The following MAPK10 variants were observed in gnomAD, a reference collection of about 807,000 sequenced individuals.
MAPK10 encodes the protein mitogen-activated protein kinase 10.
A neutral mutation model predicts 59.3 loss-of-function variants in MAPK10; 25 were observed. The ratio of observed to expected loss-of-function variants is 0.42; its 90% CI spans 0.31 to 0.59. The LOEUF is 0.59. MAPK10 is among the 20% of genes least tolerant of loss of function. The pLI is 0.15. For synonymous variants in MAPK10, 190 were observed against 200.5 expected, an observed-to-expected ratio of 0.95 and a Z score of 0.44; for missense variants, 351 against 568.9, an observed-to-expected ratio of 0.62 and a Z score of 3.90.
intron 2 of MAPK10, among the ~76,000 whole-genome samples, chr4:86,290,159 T>C (rs568130103): frequency 6.6e-6 from 1 of 152,250 alleles, no homozygotes; most frequent in African/African-American, 2.4e-5. Flanking sequence ...AGAATTATGA[T>C]GGCTGAGCTC....
chr4:86,194,278 C>T, intron 3 of MAPK10, 58 bp downstream of exon 3: 1 of 1,303,310 alleles, frequency 7.7e-7, no homozygotes, highest in Non-Finnish European at 1.1e-6. Flanking sequence ...AATGGTATGT[C>T]AAAGTGGAAA....
At position 86,240,591 on chromosome 4, in the gene MAPK10, ATGCCCTTTTT is replaced by A. The variant is rs375720345; in HGVS notation, c.-6-46194_-6-46185del. On this transcript the variant is annotated intron_variant, in intron 2 of 13. Coordinates refer to ENST00000641462, the MANE Select transcript of MAPK10 (RefSeq NM_138982.4). ...TAACTGTTCCCTTTATCGTTATGTAATGCCCTTTTTTGTCTTTTTGGATCTTTGTTGGTTG... is the reference window on the plus strand; with the variant it reads ...TAACTGTTCCCTTTATCGTTATGTAATGTCTTTTTGGATCTTTGTTGGTTG... 3.2e-3 allele frequency among the ~76,000 whole-genome samples: 480 copies of A among 152,104 alleles called. 2 individuals carry two copies. Among genetic ancestry groups the A allele is most frequent in the African/African-American group, 0.011 (466 of 41,414 alleles).
intron 1 of MAPK10, among the ~76,000 whole-genome samples, chr4:86,425,435 T>TAA (rs34111165): frequency 4.6e-5 from 7 of 151,322 alleles, no homozygotes; most frequent in Non-Finnish European, 7.4e-5. Flanking sequence ...TTTTCTGTAT[T>TAA]AAAAAAAAAC....
intron 1 of MAPK10, among the ~76,000 whole-genome samples, chr4:86,472,671 G>A (rs1429391485): frequency 1.3e-5 from 2 of 152,180 alleles, no homozygotes; most frequent in Non-Finnish European, 2.9e-5. Flanking sequence ...AAGTTGCAGA[G>A]TAGAAAGACA....
intron 1 of MAPK10, among the ~76,000 whole-genome samples, chr4:86,412,608 C>G (rs1745330731): frequency 6.6e-6 from 1 of 152,062 alleles, no homozygotes; most frequent in Non-Finnish European, 1.5e-5. Flanking sequence ...TCTTTTCATT[C>G]TTTTTTCTCT....
chr4:86,289,229 C>T (rs942935797), intron 2 of MAPK10, among the ~76,000 whole-genome samples: 1 of 151,902 alleles, frequency 6.6e-6, no homozygotes, highest in Non-Finnish European at 1.5e-5. Context: ...GTGCAAAGTG[C>T]CAGGGAAGGT....
At chr4:86,173,092 T>G (rs2074755081) in intron 3 of MAPK10, among the ~76,000 whole-genome samples, 1 of 151,232 alleles carries the variant, frequency 6.6e-6, no homozygotes, top group Admixed American at 6.6e-5. Flanking sequence ...ATGATTGACA[T>G]TCTTCACAGA....
chr4:86,106,401 G>A (rs1580350052), intron 5 of MAPK10, among the ~76,000 whole-genome samples: 1 of 149,526 alleles, frequency 6.7e-6, no homozygotes, highest in South Asian at 2.1e-4. Flanking sequence ...TGATTTTTAA[G>A]AAAATAAAAT....
chr4:86,358,318 C>T (rs376493524), intron 1 of MAPK10: 11 of 985,262 alleles, frequency 1.1e-5, no homozygotes, highest in East Asian at 1.1e-4. Context: ...GACAACTAGC[C>T]GATGAGGGAT....
chr4:86,508,236 A>G (rs1331162370), intron 1 of MAPK10, among the ~76,000 whole-genome samples: 2 of 152,134 alleles, frequency 1.3e-5, no homozygotes. Flanking sequence ...CTCACCTTTG[A>G]TGGATTGGTG....
intron 1 of MAPK10, among the ~76,000 whole-genome samples, chr4:86,555,785 G>C (rs556668508): frequency 1.2e-4 from 19 of 152,264 alleles, no homozygotes; most frequent in Middle Eastern, 3.4e-3. Context: ...GTTGGGTAAA[G>C]GAGAATATTG....
At chr4:86,319,198 A>C (rs1417510715) in intron 2 of MAPK10, among the ~76,000 whole-genome samples, 1 of 152,168 alleles carries the variant, frequency 6.6e-6, no homozygotes, top group African/African-American at 2.4e-5. Flanking sequence ...CTGGGAGGTG[A>C]GAACTAGGGA....
chr4:86,428,113 A>G (rs1747539208), intron 1 of MAPK10, among the ~76,000 whole-genome samples: 1 of 152,072 alleles, frequency 6.6e-6, no homozygotes, highest in African/African-American at 2.4e-5. Context: ...GCAGAGAACA[A>G]AAAGCAGATT....
rs144739009 is a variant in MAPK10, at chr4:86,560,511, C to G, written c.-263+33399G>C. ...GTTACACTCCTTTGTCACATACTCC[C>G]AAATATTTATTTTAGGGAGTAGTTG... On this transcript the variant is annotated intron_variant, in intron 1 of 4. Transcript: ENST00000502302. Among the ~76,000 whole-genome samples the G allele has an allele frequency of 1.3e-3, 201 of 152,310 alleles. 1 individual carries two copies. The highest frequency in any genetic ancestry group is 4.4e-3 in the African/African-American group (182 of 41,578).
At chr4:86,106,985 A>G (rs1461906612) in intron 5 of MAPK10, 12 of 257,302 alleles carry the variant, frequency 4.7e-5, no homozygotes, top group Non-Finnish European at 8.7e-5. Context: ...AAATTTTCTA[A>G]CTAGGGAAAT....
intron 1 of MAPK10, among the ~76,000 whole-genome samples, chr4:86,414,255 T>A (rs534013625): frequency 3.9e-5 from 6 of 151,966 alleles, no homozygotes; most frequent in East Asian, 1.9e-4. Context: ...ATCCATGATA[T>A]AACATCCATG....
At chr4:86,407,901 TTC>T (rs1744565025) in intron 1 of MAPK10, among the ~76,000 whole-genome samples, 2 of 152,194 alleles carry the variant, frequency 1.3e-5, no homozygotes, top group East Asian at 1.9e-4. Context: ...AAAATTTATT[TTC>T]TTTTTTTATT....
intron 4 of MAPK10, among the ~76,000 whole-genome samples, chr4:86,116,848 C>A (rs188783104): frequency 6.6e-6 from 1 of 152,192 alleles, no homozygotes; most frequent in Non-Finnish European, 1.5e-5. Flanking sequence ...TAGTGCCTCA[C>A]CTAGAGTGAG....
chr4:86,207,331 A>G (rs558567971), intron 2 of MAPK10, among the ~76,000 whole-genome samples: 13 of 151,874 alleles, frequency 8.6e-5, no homozygotes, highest in Admixed American at 5.2e-4. Flanking sequence ...TGTTTTTCTC[A>G]GGTTTGTCAA....
Sources: allele counts gnomAD v4.1 joint callset (sites outside exome capture counted in the v4.1 genomes callset), GRCh38; gene constraint gnomAD v4.1.1; transcripts MANE v1.5; gene names NCBI Gene and HGNC (gene_info 2026-07-23, HGNC 2026-07-21).